PHLDB1: variants seen among roughly 807,000 people sequenced by gnomAD.
PHLDB1 encodes pleckstrin homology-like domain family B member 1.
PHLDB1 carries 65 observed loss-of-function variants against 139.3 expected under a neutral mutation model. The observed-to-expected ratio is 0.47, with a 90% CI of 0.38 to 0.57. The LOEUF is 0.57. Among genes scored for constraint, PHLDB1 ranks in the 20% least tolerant of loss-of-function variants. The probability of loss-of-function intolerance (pLI) is 0.00; values close to 1 mark genes in which losing one functional copy is unlikely to be tolerated. For missense variants in PHLDB1, 1,624 were observed against 1,839.7 expected (o/e 0.88, Z 2.14); for synonymous variants, 679 against 734.5 (o/e 0.92, Z 1.22).
intron 4 of PHLDB1, among the ~76,000 whole-genome samples, chr11:118,623,920 G>GAA (rs1943346144): frequency 6.7e-6 from 1 of 148,480 alleles, no homozygotes; most frequent in Admixed American, 6.7e-5. Flanking sequence ...GTGTGTGTGA[G>GAA]ACGGAGTTTC....
chr11:118,624,970 G>A lies in PHLDB1; in HGVS notation c.392G>A (p.Arg131His), dbSNP rs781967928. Residue 131 changes from arginine (R) to histidine (H), a missense_variant, in exon 5 of 23, where the codon CGC (arginine) becomes CAC (histidine). Arg to His is a conservative substitution (Grantham distance 29). Transcript: ENST00000600882. ...TGCCTGGGTCAGTCCACCTTCCTTC[G>A]CTTTAACCACCCGGCTGAAGCCAAG... ...MLCLGQSTFL[R>H]FNHPAEAKWM... 3.7e-6 allele frequency: 6 copies of A among 1,613,994 alleles called. No homozygotes were observed. The highest frequency in any genetic ancestry group is 1.7e-4 in the Middle Eastern group (1 of 6,058).
chr11:118,655,984 T>G, intron 22 of PHLDB1, 92 bp downstream of exon 22: 4 of 930,426 alleles, frequency 4.3e-6, no homozygotes, highest in Non-Finnish European at 7.1e-6. Flanking sequence ...TCCCCCTCCC[T>G]TCCCCCAGGC....
At chr11:118,652,939 G>A (rs1012956234) in intron 20 of PHLDB1, 1 of 152,514 alleles carries the variant, frequency 6.6e-6, no homozygotes, top group African/African-American at 2.4e-5. Flanking sequence ...AGCCAAAGGA[G>A]CAGACATTCA....
chr11:118,656,551 C>T (rs1949095703), intron 22 of PHLDB1, 132 bp from the exon 23 acceptor site: 1 of 762,524 alleles, frequency 1.3e-6, no homozygotes, highest in Non-Finnish European at 2.2e-6. Flanking sequence ...GGTCTAGGCT[C>T]TGGACCTATT....
chr11:118,611,844 T>TAAA lies in PHLDB1; in HGVS notation c.-21-1970_-21-1969insAAA, dbSNP rs2135682844. Among the ~76,000 whole-genome samples, 1 of 150,836 alleles carries TAAA rather than the reference T, an allele frequency of 6.6e-6. No homozygotes were observed. Among genetic ancestry groups the TAAA allele is most frequent in the Admixed American group, 6.6e-5 (1 of 15,116 alleles). On this transcript the variant is annotated intron_variant, in intron 1 of 22. Coordinates refer to ENST00000600882, the MANE Select transcript of PHLDB1 (RefSeq NM_001144758.3). The surrounding 1 kb of genome is among the most constrained non-coding windows in gnomAD (Gnocchi z 4.7). ...AAAAAAAAAAAAAAAATAATAATAA[T>TAAA]AATAATAAATGGCATTAAGTGCTTT...
At chr11:118,626,991 T>G in intron 5 of PHLDB1, 2 of 371,522 alleles carry the variant, frequency 5.4e-6, no homozygotes, top group Non-Finnish European at 9.8e-6. Flanking sequence ...AGGATATAGA[T>G]TGGAGGAGTC....
Position 118,656,923 on chromosome 11 carries a change from C to G in PHLDB1, c.*100C>G. 9.2e-7 allele frequency: 1 copy of G among 1,086,610 alleles called. No homozygotes were observed. The highest frequency in any genetic ancestry group is 1.3e-6 in the Non-Finnish European group (1 of 758,658). 67.3% of individuals were successfully genotyped at this position (1,086,610 alleles called of 1,614,324 possible). A position where few individuals can be genotyped will look rare whatever the true frequency, so the allele number is the denominator to read the frequency against. On this transcript the variant is annotated 3_prime_UTR_variant, in exon 23 of 23. Transcript: ENST00000600882. ...GTCCTGTGAGTTTCTGGGCTCTGGC[C>G]TCCTGAAGAACCAGCCAGAAGAAGA... is the stretch of plus-strand genomic sequence containing the variant.
At position 118,640,268 on chromosome 11, in the gene PHLDB1, C is replaced by A. The variant is rs1234828088; in HGVS notation, c.2736+1017C>A. ...ATTAGTTCTCACAACATGCTGGACCCTCTGACTGACTTTCCTTTTCCATGA... is the reference window on the plus strand; with the variant it reads ...ATTAGTTCTCACAACATGCTGGACCATCTGACTGACTTTCCTTTTCCATGA... On this transcript the variant is annotated intron_variant, in intron 12 of 22. Coordinates refer to ENST00000600882, the MANE Select transcript of PHLDB1 (RefSeq NM_001144758.3). 2.0e-5 allele frequency: 3 copies of A among 152,422 alleles called. No individual in the cohort carries two copies. In the East Asian group the frequency reaches 5.8e-4, roughly 29 times the overall value. The allele number at this position is 152,422 out of a possible 1,614,324, so 9.4% of individuals were successfully genotyped here.
intron 6 of PHLDB1, chr11:118,630,028 GTTTT>G (rs10578316): frequency 2.2e-4 from 258 of 1,193,418 alleles, no homozygotes; most frequent in Admixed American, 4.5e-4. Context: ...CTCTGTTCCG[GTTTT>G]TTTTTTTTTT....
At position 118,642,298 on chromosome 11, in the gene PHLDB1, C is replaced by T. The variant is rs782060692; in HGVS notation, c.2781C>T (p.Tyr927=). 1.2e-6 allele frequency: 2 copies of T among 1,613,164 alleles called. No individual in the cohort carries two copies. The highest frequency in any genetic ancestry group is 1.1e-5 in the South Asian group (1 of 91,088). ...CTGCTGTAGACTTAGAGCAGTGGTA[C>T]CAGGAGCTGATGGCCGGGCTGGGGA... ...LLPAVDLEQW[Y]QELMAGLGTG... is the part of the protein sequence containing the mutation. The change falls in exon 13 of 23, where the codon TAC becomes TAT. Residue 927 remains tyrosine, a synonymous_variant. Coordinates refer to ENST00000600882, the MANE Select transcript of PHLDB1 (RefSeq NM_001144758.3).
chr11:118,620,603 C>T lies in PHLDB1; in HGVS notation c.356-4331C>T, dbSNP rs1942583659. On this transcript the variant is annotated intron_variant, in intron 4 of 22. Transcript: ENST00000600882. This position sits in a 1 kb window ranked among gnomAD's most constrained non-coding sequence, Gnocchi z 4.1. ...AGTAGGATGGGTACCTTATTGGGGT[C>T]GGAGGGCTCTTTGCTGGGTCTAGCA... 1.3e-5 allele frequency among the ~76,000 whole-genome samples: 2 copies of T among 152,170 alleles called. No individual in the cohort carries two copies. The highest frequency in any genetic ancestry group is 2.9e-5 in the Non-Finnish European group (2 of 68,032).
chr11:118,620,931 C>T lies in PHLDB1; in HGVS notation c.356-4003C>T, dbSNP rs1942642669. Among the ~76,000 whole-genome samples, 1 of 152,162 alleles carries T rather than the reference C, an allele frequency of 6.6e-6. No homozygotes were observed. The highest frequency in any genetic ancestry group is 1.5e-5 in the Non-Finnish European group (1 of 68,034). The stretch of plus-strand genomic sequence containing the variant: ...GCCCCTGCTCTTTTCCTCTCCCTCT[C>T]TCTCTCAGATATGGACCCATGGAAT... On this transcript the variant is annotated intron_variant, in intron 4 of 22. Transcript: ENST00000600882. This position sits in a 1 kb window ranked among gnomAD's most constrained non-coding sequence, Gnocchi z 4.1.
intron 9 of PHLDB1, chr11:118,634,972 C>T (rs1555114094): frequency 2.2e-6 from 1 of 459,058 alleles, no homozygotes; most frequent in Non-Finnish European, 4.4e-6. Context: ...GCCCGCCAGG[C>T]GCTCTACGCC....
At chr11:118,643,973 G>A (rs1417928184) in intron 14 of PHLDB1, 33 bp downstream of exon 14, 5 of 1,590,796 alleles carry the variant, frequency 3.1e-6, no homozygotes, top group Non-Finnish European at 4.3e-6. Context: ...TGCACATGTG[G>A]CTGGGGATGG....
Position 118,620,507 on chromosome 11 carries a change from A to G in PHLDB1, c.355+4296A>G, listed in dbSNP as rs1189930728. On this transcript the variant is annotated intron_variant, in intron 4 of 22. Transcript: ENST00000600882. This position sits in a 1 kb window ranked among gnomAD's most constrained non-coding sequence, Gnocchi z 4.1. ...AACTCCATCTCAAAAAAACAGAACA[A>G]AACAAAACAAAACACCTGCCTGACT... 1.3e-5 allele frequency among the ~76,000 whole-genome samples: 2 copies of G among 151,920 alleles called. No individual in the cohort carries two copies. The highest frequency in any genetic ancestry group is 3.9e-4 in the East Asian group (2 of 5,194).
At chr11:118,609,400 G>T (rs12803321) in intron 1 of PHLDB1, among the ~76,000 whole-genome samples, 3 of 129,772 alleles carry the variant, frequency 2.3e-5, no homozygotes, top group African/African-American at 8.6e-5. Flanking sequence ...CAGCCCAGCT[G>T]ACACACGCAG....
At chr11:118,649,293 A>G (rs1948017854) in intron 18 of PHLDB1, among the ~76,000 whole-genome samples, 1 of 151,970 alleles carries the variant, frequency 6.6e-6, no homozygotes, top group African/African-American at 2.4e-5. Context: ...GAAAAAAAAA[A>G]AAGAAAAAAG....
At position 118,650,840 on chromosome 11, in the gene PHLDB1, A is replaced by C; in HGVS notation, c.3874+293A>C. On this transcript the variant is annotated intron_variant, in intron 20 of 22. Transcript: ENST00000600882. This position sits in a 1 kb window ranked among gnomAD's most constrained non-coding sequence, Gnocchi z 4.7. ...GCCACAGCGCTCTCATGGAGCTTAT[A>C]ATCAGGGAAGCAGACAAGAGTGATA... The C allele has an allele frequency of 2.3e-6, 1 of 443,294 alleles. No individual in the cohort carries two copies. The highest frequency in any genetic ancestry group is 4.1e-6 in the Non-Finnish European group (1 of 243,142). The allele number at this position is 443,294 out of a possible 1,614,324, so 27.5% of individuals were successfully genotyped here.
chr11:118,652,665 T>TGAACCTGGGCAGTCA (rs1948507770), intron 20 of PHLDB1: 1 of 152,282 alleles, frequency 6.6e-6, no homozygotes, highest in South Asian at 2.1e-4. Context: ...GAGATAAGAC[T>TGAACCTGGGCAGTCA]GAACCTGGGC....
Sources: allele counts gnomAD v4.1 joint callset (sites outside exome capture counted in the v4.1 genomes callset), GRCh38; gene constraint gnomAD v4.1.1; non-coding constraint Gnocchi (gnomAD v3.1); transcripts MANE v1.5; gene names NCBI Gene and HGNC (gene_info 2026-07-23, HGNC 2026-07-21).